Variants in SCNN1B observed in about 807,000 individuals in gnomAD.
SCNN1B encodes the protein epithelial sodium channel subunit beta.
Under a neutral mutation model 65.3 loss-of-function variants are expected in SCNN1B, and 46 were observed. The ratio of observed to expected loss-of-function variants is 0.70; its 90% CI spans 0.56 to 0.90. The LOEUF is 0.90. Among genes scored for constraint, SCNN1B ranks in the 40% least tolerant of loss-of-function variants. The probability of loss-of-function intolerance (pLI) is 0.00; values close to 1 mark genes in which losing one functional copy is unlikely to be tolerated. For synonymous variants in SCNN1B, 349 were observed against 330.6 expected, an observed-to-expected ratio of 1.06 and a Z score of -0.60; for missense variants, 751 against 830.5, an observed-to-expected ratio of 0.90 and a Z score of 1.18.
chr16:23,321,822 A>C (rs1961594875), intron 1 of SCNN1B, among the ~76,000 whole-genome samples: 1 of 152,114 alleles, frequency 6.6e-6, no homozygotes, highest in South Asian at 2.1e-4. Context: ...CAGGAGTTTG[A>C]GATCACCCTA....
intron 1 of SCNN1B, among the ~76,000 whole-genome samples, chr16:23,343,586 A>AGAAAGAAG (rs2142011480): frequency 3.2e-5 from 1 of 31,068 alleles, no homozygotes; most frequent in East Asian, 9.1e-4. Flanking sequence ...AAAAAGAGAA[A>AGAAAGAAG]GAAAGAAAGA....
At chr16:23,322,622 A>T (rs1596834913) in intron 1 of SCNN1B, among the ~76,000 whole-genome samples, 1 of 152,154 alleles carries the variant, frequency 6.6e-6, no homozygotes, top group East Asian at 1.9e-4. Context: ...AGCAATGTAA[A>T]ATTGTCATAG....
intron 8 of SCNN1B, among the ~76,000 whole-genome samples, chr16:23,376,519 G>C (rs974757860): frequency 6.6e-6 from 1 of 152,068 alleles, no homozygotes; most frequent in Non-Finnish European, 1.5e-5. Context: ...CCAAGGACTC[G>C]AAACCTGGAG....
chr16:23,303,696 A>C (rs1961132850), intron 1 of SCNN1B, among the ~76,000 whole-genome samples: 1 of 151,164 alleles, frequency 6.6e-6, no homozygotes, highest in Non-Finnish European at 1.5e-5. Flanking sequence ...AGGGCGGATC[A>C]CTTGAGGTCA....
intron 2 of SCNN1B, among the ~76,000 whole-genome samples, chr16:23,284,997 G>A (rs1960830543): frequency 6.6e-6 from 1 of 152,096 alleles, no homozygotes; most frequent in Non-Finnish European, 1.5e-5. Flanking sequence ...AGCCTGGCAG[G>A]GCTCCCACTT....
Position 23,375,667 on chromosome 16 carries a change from C to A in SCNN1B, c.1153-71C>A, listed in dbSNP as rs146043035. 45 of 1,090,146 alleles carry A rather than the reference C, an allele frequency of 4.1e-5. No individual in the cohort carries two copies. In the African/African-American group the frequency reaches 6.8e-4, roughly 17 times the overall value. The allele number at this position is 1,090,146 out of a possible 1,614,324, so 67.5% of individuals were successfully genotyped here. ...CTTGGGCATCACTTCTCTGGACACC[C>A]CTGGTGCTGGAATGGGGACATCACT... is the stretch of plus-strand genomic sequence containing the variant. On this transcript the variant is annotated intron_variant, in intron 7 of 12. Transcript: ENST00000343070.
In SCNN1B at chr16:23,380,483, G is replaced by C. The variant is rs759843626; in HGVS notation, c.1605G>C (p.Leu535=). The change falls in exon 13 of 13, where the codon CTG becomes CTC. Residue 535 remains leucine (L), a synonymous_variant. Coordinates refer to ENST00000343070, the MANE Select transcript of SCNN1B (RefSeq NM_000336.3). This position sits in a 1 kb window ranked among gnomAD's most constrained non-coding sequence, Gnocchi z 5.4. ...QFGFWMGGSV[L]CLIEFGEIII... Reference sequence around the variant, plus strand: ...GCTTCTGGATGGGGGGCTCTGTGCTGTGCCTCATCGAGTTTGGGGAGATCA... The same window carrying C: ...GCTTCTGGATGGGGGGCTCTGTGCTCTGCCTCATCGAGTTTGGGGAGATCA... 6.2e-7 allele frequency: 1 copy of C among 1,614,122 alleles called. No homozygotes were observed. The highest frequency in any genetic ancestry group is 8.5e-7 in the Non-Finnish European group (1 of 1,180,052).
intron 2 of SCNN1B, among the ~76,000 whole-genome samples, chr16:23,292,852 C>T (rs1037531855): frequency 8.6e-5 from 13 of 150,986 alleles, no homozygotes; most frequent in South Asian, 2.1e-4. Flanking sequence ...CAGTGGCTCA[C>T]GCCTGTAATC....
chr16:23,326,196 T>C (rs903017263), intron 1 of SCNN1B, among the ~76,000 whole-genome samples: 69 of 152,072 alleles, frequency 4.5e-4, no homozygotes, highest in Admixed American at 1.6e-3. Context: ...AGAATCCTGG[T>C]TTTTTTCAAG....
chr16:23,298,089 C>CTTTTTTTT (rs1961022720), upstream of SCNN1B, among the ~76,000 whole-genome samples: 1 of 152,182 alleles, frequency 6.6e-6, no homozygotes, highest in African/African-American at 2.4e-5. Context: ...AAAGGACTGT[C>CTTTTTTTT]TTTCCACAAT....
chr16:23,308,698 G>A (rs551705453), intron 1 of SCNN1B, among the ~76,000 whole-genome samples: 24 of 152,160 alleles, frequency 1.6e-4, no homozygotes, highest in Non-Finnish European at 2.9e-4. Context: ...GCAGTGGCAC[G>A]AACTTGGCTC....
At chr16:23,343,475 A>AAGGAAGGAAGGAAGGAAGG (rs1567304134) in intron 1 of SCNN1B, among the ~76,000 whole-genome samples, 3 of 113,072 alleles carry the variant, frequency 2.7e-5, no homozygotes, top group African/African-American at 1.7e-4. Context: ...GAAAAGAAAG[A>AAGGAAGGAAGGAAGGAAGG]AAGGAAGGAA....
intron 1 of SCNN1B, among the ~76,000 whole-genome samples, chr16:23,333,149 AGAAGGAAGGAAG>A (rs57483761): frequency 0.011 from 999 of 89,490 alleles, 12 homozygotes; most frequent in East Asian, 0.046. Context: ...AAGGAAGGAA[AGAAGGAAGGAAG>A]GAAGGAAGGA....
chr16:23,369,750 G>C (rs1038625630), intron 5 of SCNN1B, among the ~76,000 whole-genome samples: 1 of 152,208 alleles, frequency 6.6e-6, no homozygotes, highest in Non-Finnish European at 1.5e-5. Flanking sequence ...TACTCCCAGA[G>C]GCAGATGGTT....
intron 2 of SCNN1B, among the ~76,000 whole-genome samples, chr16:23,295,182 C>T (rs748944998): frequency 6.6e-6 from 1 of 152,032 alleles, no homozygotes; most frequent in Non-Finnish European, 1.5e-5. Context: ...ATCTCTAGTG[C>T]CCAGAACACA....
chr16:23,371,906 A>G, intron 7 of SCNN1B, 23 bp downstream of exon 7: 1 of 1,560,184 alleles, frequency 6.4e-7, no homozygotes, highest in Non-Finnish European at 8.8e-7. Flanking sequence ...TGCACGCCTC[A>G]TGCCCCGGGG....
intron 2 of SCNN1B, among the ~76,000 whole-genome samples, chr16:23,289,673 CTT>C (rs11369014): frequency 3.5e-4 from 43 of 124,074 alleles, no homozygotes; most frequent in South Asian, 5.1e-4. Flanking sequence ...CAATATTTAA[CTT>C]TTTTTTTTTT....
chr16:23,304,060 A>T (rs1961142225), intron 1 of SCNN1B: 1 of 1,535,934 alleles, frequency 6.5e-7, no homozygotes, highest in Admixed American at 2.0e-5. Flanking sequence ...CCCGCCGTGG[A>T]TAATGCCTAC....
chr16:23,315,064 C>T (rs900323737), intron 1 of SCNN1B, among the ~76,000 whole-genome samples: 4 of 152,172 alleles, frequency 2.6e-5, no homozygotes, highest in African/African-American at 2.4e-5. Flanking sequence ...CGGCTGGGTG[C>T]GGTGGCTCAA....
Sources: allele counts gnomAD v4.1 joint callset (sites outside exome capture counted in the v4.1 genomes callset), GRCh38; gene constraint gnomAD v4.1.1; non-coding constraint Gnocchi (gnomAD v3.1); transcripts MANE v1.5; gene names NCBI Gene and HGNC (gene_info 2026-07-23, HGNC 2026-07-21).